Variants in ITIH1 observed in about 807,000 individuals in gnomAD.
ITIH1 encodes the protein inter-alpha-trypsin inhibitor heavy chain H1.
In ITIH1, 94 loss-of-function variants were observed where a neutral mutation model predicts 104.6. The ratio of observed to expected loss-of-function variants is 0.90; its 90% confidence interval spans 0.76 to 1.07. ITIH1 has a LOEUF of 1.07. Ranked by LOEUF, ITIH1 falls within the 50% of genes least tolerant of loss-of-function variation. The pLI is 0.00. For synonymous variants in ITIH1, 455 were observed against 464.4 expected, an observed-to-expected ratio of 0.98 and a Z score of 0.26; for missense variants, 1,193 against 1,181.4, an observed-to-expected ratio of 1.01 and a Z score of -0.14.
chr3:52,783,321 G>C lies in ITIH1; in HGVS notation c.1207G>C (p.Asp403His). Residue 403 changes from aspartate to histidine, a missense_variant, in exon 10 of 22, where the codon GAT (aspartate) becomes CAT (histidine). Transcript: ENST00000273283. ...NHASILIMLT[D>H]GDPTEGVTDR... The stretch of plus-strand genomic sequence containing the variant: ...TGCCTCAATACTCATCATGTTGACA[G>C]ATGGCGATCCCACAGAGGGTAAGCA... 1.2e-6 allele frequency: 2 copies of C among 1,614,078 alleles called. No homozygotes were observed. The highest frequency in any genetic ancestry group is 1.7e-6 in the Non-Finnish European group (2 of 1,180,022).
chr3:52,777,872 C>T, intron 1 of ITIH1, 125 bp from the exon 2 acceptor site: 1 of 1,398,208 alleles, frequency 7.2e-7, no homozygotes, highest in Non-Finnish European at 1.0e-6. Flanking sequence ...GACCTCCCAG[C>T]ACCACCAAGG....
At chr3:52,787,533 T>A (rs1380975546) in intron 15 of ITIH1, 59 bp from the exon 16 acceptor site, 35 of 1,606,134 alleles carry the variant, frequency 2.2e-5, no homozygotes, top group Non-Finnish European at 2.6e-5. Flanking sequence ...GCTGCATGCC[T>A]TTCGTGTGGG....
In ITIH1 at chr3:52,782,012, G is replaced by T; in HGVS notation, c.760G>T (p.Gly254Trp). 2 of 1,614,064 alleles carry T rather than the reference G, an allele frequency of 1.2e-6. No homozygotes were observed. Among genetic ancestry groups the T allele is most frequent in the Non-Finnish European group, 1.7e-6 (2 of 1,180,014 alleles). The change falls in exon 7 of 22, where the codon GGG (glycine) becomes TGG (tryptophan). Residue 254 changes from glycine (G) to tryptophan (W), a missense_variant. Coordinates refer to ENST00000273283, the MANE Select transcript of ITIH1 (RefSeq NM_002215.4). Reference sequence around the variant, plus strand: ...CACATGCTCTACATCCTTACTGAACGGGCACTTCAAGGTGACCTACGATGT... The same window carrying T: ...CACATGCTCTACATCCTTACTGAACTGGCACTTCAAGGTGACCTACGATGT... Reference protein sequence around the residue: ...CPTCSTSLLNGHFKVTYDVSR... With the variant: ...CPTCSTSLLNWHFKVTYDVSR...
Position 52,789,751 on chromosome 3 carries a change from A to G in ITIH1, c.2218A>G (p.Thr740Ala). Residue 740 changes from threonine (T) to alanine (A), a missense_variant, in exon 19 of 22, where the codon ACG (threonine) becomes GCG (alanine). Transcript: ENST00000273283. Reference protein sequence around the residue: ...FGRLGIANPATDFQLEVTPQN... With the variant: ...FGRLGIANPAADFQLEVTPQN... ...GCGGCTGGGAATCGCAAACCCTGCC[A>G]CGGACTTTCAGTTGGAAGTGACTCC... The G allele has an allele frequency of 3.7e-6, 6 of 1,614,252 alleles. No individual in the cohort carries two copies. Among genetic ancestry groups the G allele is most frequent in the Non-Finnish European group, 5.1e-6 (6 of 1,180,034 alleles).
At position 52,786,437 on chromosome 3, in the gene ITIH1, AGGGCACCTGCAGCTGCCCCAGGT is replaced by A; in HGVS notation, c.1733+10_1733+32del. 6.3e-7 allele frequency: 1 copy of A among 1,575,492 alleles called. No homozygotes were observed. The highest frequency in any genetic ancestry group is 1.8e-4 in the Middle Eastern group (1 of 5,678). ...ATCCAGGAGCTGCTGGCCAAGCGGT[AGGGCACCTGCAGCTGCCCCAGGT>A]GGGCACTGCCCACCCCAGAGTCCCC... On this transcript the variant is annotated splice_donor_5th_base_variant and intron_variant, in intron 13 of 21. Coordinates refer to ENST00000273283, the MANE Select transcript of ITIH1 (RefSeq NM_002215.4).
chr3:52,790,979 T>G (rs1174104471), intron 20 of ITIH1, 58 bp downstream of exon 20: 1 of 1,524,146 alleles, frequency 6.6e-7, no homozygotes, highest in African/African-American at 1.4e-5. Flanking sequence ...AGAGGACATG[T>G]GGGACCTGGG....
intron 16 of ITIH1, 111 bp downstream of exon 16, chr3:52,787,723 T>C: frequency 7.7e-7 from 1 of 1,290,528 alleles, no homozygotes; most frequent in Non-Finnish European, 1.1e-6. Flanking sequence ...TGGGAATCTT[T>C]AGAACAGACC....
rs775457232 is a variant in ITIH1 at position 52,790,798 on chromosome 3, G to A, written c.2371G>A (p.Asp791Asn). ...KKRNLVVSVD[D>N]GGTFEVVLHR... ...GAGGAACCTGGTGGTGTCTGTGGAC[G>A]ACGGTGGCACCTTTGAGGTTGTTTT... The change falls in exon 20 of 22, where the codon GAC (aspartate) becomes AAC (asparagine). Residue 791 changes from aspartate to asparagine, a missense_variant. Coordinates refer to ENST00000273283, the MANE Select transcript of ITIH1 (RefSeq NM_002215.4). 42 of 1,612,986 alleles carry A rather than the reference G, an allele frequency of 2.6e-5. No homozygotes were observed. In the East Asian group the frequency reaches 7.6e-4, roughly 29 times the overall value.
chr3:52,787,964 A>G, intron 16 of ITIH1, 22 bp from the exon 17 acceptor site: 2 of 1,592,118 alleles, frequency 1.3e-6, no homozygotes, highest in Middle Eastern at 1.7e-4. Context: ...CCGCTTCTAA[A>G]TGCCACTCCC....
chr3:52,783,219 A>C lies in ITIH1; in HGVS notation c.1105A>C (p.Asn369His), dbSNP rs748324822. The part of the protein sequence containing the change: ...VRGFSLDEAT[N>H]LNGGLLRGIE... ...CTGCTTTCTCTTCCTTGCAGCCACA[A>C]ACCTGAATGGAGGTTTGCTCCGGGG... The change falls in exon 10 of 22, where the codon AAC becomes CAC. Residue 369 changes from asparagine (N) to histidine (H), a missense_variant. Transcript: ENST00000273283. 1 of 1,614,082 alleles carries C rather than the reference A, an allele frequency of 6.2e-7. No individual in the cohort carries two copies. Among genetic ancestry groups the C allele is most frequent in the African/African-American group, 1.3e-5 (1 of 75,004 alleles).
At chr3:52,790,716 C>T (rs759534669) in intron 19 of ITIH1, 33 bp from the exon 20 acceptor site, 26 of 1,602,024 alleles carry the variant, frequency 1.6e-5, no homozygotes, top group South Asian at 4.5e-5. Flanking sequence ...GCAGTGCAGC[C>T]GCACCTGCCC....
intron 12 of ITIH1, among the ~76,000 whole-genome samples, chr3:52,785,866 C>G (rs1459789391): frequency 6.6e-6 from 1 of 152,232 alleles, no homozygotes; most frequent in African/African-American, 2.4e-5. Flanking sequence ...ATATAATACC[C>G]TTAGGCAGCA....
At position 52,788,039 on chromosome 3, in the gene ITIH1, C is replaced by T; in HGVS notation, c.1978C>T (p.Gln660Ter). 1 of 1,610,810 alleles carries T rather than the reference C, an allele frequency of 6.2e-7. No homozygotes were observed. The highest frequency in any genetic ancestry group is 1.1e-5 in the South Asian group (1 of 90,590). The change falls in exon 17 of 22, where the codon CAG becomes TAG. Residue 660 changes from glutamine (Q) to a stop codon, truncating the protein, a stop_gained. Transcript: ENST00000273283. LOFTEE classifies it high-confidence loss of function. ...TCCTACTCATTCCAGCTCCAATACCCAGCGGCTGCCAGACCGAGTGACCGG... is the reference window on the plus strand; with the variant it reads ...TCCTACTCATTCCAGCTCCAATACCTAGCGGCTGCCAGACCGAGTGACCGG... The part of the protein sequence containing the change: ...PSPTHSSSNT[Q>*]RLPDRVTGVD...
At chr3:52,784,525 C>T (rs201796608) in intron 11 of ITIH1, 48 bp downstream of exon 11, 1 of 1,573,804 alleles carries the variant, frequency 6.4e-7, no homozygotes, top group Non-Finnish European at 8.7e-7. Flanking sequence ...CCATAGGGAG[C>T]CCTGCCTTGG....
rs771637580 is a variant in ITIH1, at chr3:52,778,942, T to C, written c.306T>C (p.Val102=). Residue 102 remains valine, a splice_region_variant and synonymous_variant, in exon 4 of 22, where the codon GTT becomes GTC. Coordinates refer to ENST00000273283, the MANE Select transcript of ITIH1 (RefSeq NM_002215.4). ...PKTAFISDFA[V]TADGNAFIGD... is the part of the protein sequence containing the mutation. ...TGAGGGTGTCCTTCCCTCCCTGCAG[T>C]ACAGCAGATGGAAACGCATTTATCG... The C allele has an allele frequency of 6.8e-6, 11 of 1,609,202 alleles. No individual in the cohort carries two copies. The highest frequency in any genetic ancestry group is 4.4e-5 in the South Asian group (4 of 90,990).
Position 52,789,698 on chromosome 3 carries a change from C to A in ITIH1, c.2165C>A (p.Pro722His). ...GQLIGNKARSPGQHDGTYFGR... is the reference protein window; with the variant it reads ...GQLIGNKARSHGQHDGTYFGR... Reference sequence around the variant, plus strand: ...CTCATTGGCAACAAGGCCAGGAGCCCTGGGCAGCATGACGGCACGTACTTC... The same window carrying A: ...CTCATTGGCAACAAGGCCAGGAGCCATGGGCAGCATGACGGCACGTACTTC... Residue 722 changes from proline to histidine, a missense_variant, in exon 19 of 22, where the codon CCT becomes CAT. Transcript: ENST00000273283. The A allele has an allele frequency of 6.2e-7, 1 of 1,614,222 alleles. No homozygotes were observed. Among genetic ancestry groups the A allele is most frequent in the South Asian group, 1.1e-5 (1 of 91,086 alleles).
intron 15 of ITIH1, 148 bp downstream of exon 15, chr3:52,787,350 C>T: frequency 8.0e-7 from 1 of 1,243,172 alleles, no homozygotes; most frequent in Non-Finnish European, 1.2e-6. Flanking sequence ...CCGCCCTTCT[C>T]CACATCACCG....
intron 10 of ITIH1, 147 bp downstream of exon 10, chr3:52,783,486 CT>C: frequency 1.3e-6 from 1 of 797,258 alleles, no homozygotes; most frequent in Non-Finnish European, 2.0e-6. Context: ...AAAAACACAG[CT>C]CAGACCACAA....
Position 52,789,855 on chromosome 3 carries a change from G to A in ITIH1, c.2321+1G>A, listed in dbSNP as rs1214845488. 6.2e-7 allele frequency: 1 copy of A among 1,613,898 alleles called. No individual in the cohort carries two copies. Among genetic ancestry groups the A allele is most frequent in the South Asian group, 1.1e-5 (1 of 91,076 alleles). Reference sequence around the variant, plus strand: ...ACCAAGCTGTGCTGCGGCAGGACGGGTAACCTGCCAGGGCCTGGGCAAGAT... The same window carrying A: ...ACCAAGCTGTGCTGCGGCAGGACGGATAACCTGCCAGGGCCTGGGCAAGAT... On this transcript the variant is annotated splice_donor_variant, in intron 19 of 21. Transcript: ENST00000273283. LOFTEE classifies it high-confidence loss of function.
Sources: gnomAD v4.1 joint callset for allele counts (sites outside exome capture counted in the v4.1 genomes callset) on GRCh38, gnomAD v4.1.1 for gene constraint, MANE v1.5 for transcripts, NCBI Gene and HGNC (gene_info 2026-07-23, HGNC 2026-07-21) for gene names.